CDH3: variants seen among roughly 807,000 people sequenced by gnomAD.
The protein encoded by CDH3 is cadherin 3.
CDH3 carries 54 observed loss-of-function variants against 82.0 expected under a neutral mutation model. The observed-to-expected ratio is 0.66, with a 90% CI of 0.53 to 0.83. CDH3 has a LOEUF of 0.83. Among genes scored for constraint, CDH3 ranks in the 40% least tolerant of loss-of-function variants. The probability of loss-of-function intolerance (pLI) is 0.00; values close to 1 mark genes in which losing one functional copy is unlikely to be tolerated. For synonymous variants in CDH3, 446 were observed against 437.9 expected (o/e 1.02, Z -0.23); for missense variants, 1,054 against 1,084.6 (o/e 0.97, Z 0.40).
At chr16:68,686,305 G>A (rs552802264) in intron 11 of CDH3, 36 of 775,228 alleles carry the variant, frequency 4.6e-5, no homozygotes, top group Non-Finnish European at 6.9e-5. Context: ...TTCACGTGTC[G>A]CCAGGGTCAG....
At chr16:68,687,181 G>A (rs2152103558) in intron 11 of CDH3, among the ~76,000 whole-genome samples, 1 of 152,304 alleles carries the variant, frequency 6.6e-6, no homozygotes, top group East Asian at 1.9e-4. Flanking sequence ...GGACCTGCAG[G>A]CAGGTGAGAG....
intron 2 of CDH3, among the ~76,000 whole-genome samples, chr16:68,662,083 C>A (rs995428871): frequency 3.3e-5 from 5 of 152,154 alleles, no homozygotes; most frequent in Admixed American, 6.5e-5. Flanking sequence ...GGAATCTGAT[C>A]TAGTTTGGGA....
intron 7 of CDH3, 21 bp from the exon 8 acceptor site, chr16:68,680,947 T>C (rs765775125): frequency 8.1e-6 from 13 of 1,613,638 alleles, no homozygotes; most frequent in East Asian, 4.5e-5. Context: ...ACAATGGGCT[T>C]CCCCTCTCCT....
chr16:68,683,648 T>C (rs1961294300), intron 9 of CDH3, among the ~76,000 whole-genome samples: 1 of 42,800 alleles, frequency 2.3e-5, no homozygotes, highest in African/African-American at 1.1e-4. Flanking sequence ...CAAGACTCTG[T>C]CTCAAAAAAA....
chr16:68,700,980 G>C (rs1480156836), downstream of CDH3, among the ~76,000 whole-genome samples: 2 of 152,198 alleles, frequency 1.3e-5, no homozygotes, highest in Non-Finnish European at 2.9e-5. Context: ...TGCCAGGGCT[G>C]TCTTTGCTGA....
Position 68,715,422 on chromosome 16 carries a change from C to CAAAAAAAA in CDH3, c.100-7000_100-6993dup, listed in dbSNP as rs71148937. 1.8e-4 allele frequency among the ~76,000 whole-genome samples: 26 copies of CAAAAAAAA among 141,800 alleles called. 2 individuals carry two copies. Among genetic ancestry groups the CAAAAAAAA allele is most frequent in the East Asian group, 8.3e-4 (4 of 4,842 alleles). 93.0% of individuals were successfully genotyped at this position (141,800 alleles called of 152,430 possible). A position where few individuals can be genotyped will look rare whatever the true frequency, so the allele number is the denominator to read the frequency against. ...AGCCTGGGCGACAGAGCACGACTCT[C>CAAAAAAAA]AAAAAAAAAAGAAAGGATTTGAATC... On this transcript the variant is annotated intron_variant, in intron 1 of 2. Transcript: ENST00000569080.
At chr16:68,669,973 T>C (rs1960841288) in intron 2 of CDH3, among the ~76,000 whole-genome samples, 1 of 151,656 alleles carries the variant, frequency 6.6e-6, no homozygotes, top group African/African-American at 2.4e-5. Context: ...AAAAGTGACC[T>C]TTAGTCACTC....
intron 2 of CDH3, among the ~76,000 whole-genome samples, chr16:68,669,355 G>A (rs1960823281): frequency 6.6e-6 from 1 of 152,160 alleles, no homozygotes; most frequent in Non-Finnish European, 1.5e-5. Context: ...GATGGGGCCA[G>A]CTCCTCAGAT....
chr16:68,728,189 G>A (rs989434462), downstream of CDH3, among the ~76,000 whole-genome samples: 4 of 151,376 alleles, frequency 2.6e-5, no homozygotes, highest in Admixed American at 2.0e-4. Context: ...TTTTTGAGAC[G>A]GAGTCTTGCT....
At chr16:68,662,657 G>A (rs1960620239) in intron 2 of CDH3, among the ~76,000 whole-genome samples, 1 of 147,000 alleles carries the variant, frequency 6.8e-6, no homozygotes, top group Admixed American at 7.0e-5. Context: ...CCATTCTCCT[G>A]CCTCAGCCTC....
intron 11 of CDH3, chr16:68,686,567 A>G (rs4783665): frequency 0.37 from 457,599 of 1,229,552 alleles, 89,880 homozygotes; most frequent in East Asian, 0.54. Context: ...TCAACCAGTT[A>G]GCGTGAAAGT....
At chr16:68,664,111 G>C (rs1489688748) in intron 2 of CDH3, among the ~76,000 whole-genome samples, 1 of 152,020 alleles carries the variant, frequency 6.6e-6, no homozygotes, top group Non-Finnish European at 1.5e-5. Context: ...CAGGCACTCT[G>C]GCTCCAGACT....
At chr16:68,689,600 A>G (rs1961510173) in intron 12 of CDH3, among the ~76,000 whole-genome samples, 2 of 151,914 alleles carry the variant, frequency 1.3e-5, no homozygotes, top group South Asian at 2.1e-4. Flanking sequence ...TGCCATCGTC[A>G]TCAACAACTG....
intron 10 of CDH3, 53 bp downstream of exon 10, chr16:68,684,877 G>T: frequency 6.2e-7 from 1 of 1,608,582 alleles, no homozygotes; most frequent in African/African-American, 1.3e-5. Context: ...GTTGGTGGGT[G>T]GGTGATCATG....
chr16:68,666,748 G>A (rs1455668413), intron 2 of CDH3, among the ~76,000 whole-genome samples: 2 of 152,068 alleles, frequency 1.3e-5, no homozygotes, highest in Non-Finnish European at 2.9e-5. Flanking sequence ...GCTATAAATG[G>A]CTTTATGACC....
chr16:68,646,146 C>T (rs1251701589), intron 2 of CDH3: 1 of 250,394 alleles, frequency 4.0e-6, no homozygotes, highest in African/African-American at 2.3e-5. Context: ...CCCTTCGCCC[C>T]TCTCGGGCCC....
chr16:68,654,060 AT>A (rs201141030), intron 2 of CDH3, among the ~76,000 whole-genome samples: 3,839 of 125,890 alleles, frequency 0.03, 130 homozygotes, highest in African/African-American at 0.098. Flanking sequence ...TTTGTTCTTA[AT>A]TTTTTTTTTT....
chr16:68,719,223 A>G (rs1358271599), intron 1 of CDH3, among the ~76,000 whole-genome samples: 1 of 150,514 alleles, frequency 6.6e-6, no homozygotes, highest in Non-Finnish European at 1.5e-5. Context: ...AGCCTGGGCA[A>G]AAAAGAGTGA....
At chr16:68,671,774 G>A (rs1005459088) in intron 2 of CDH3, among the ~76,000 whole-genome samples, 24 of 151,880 alleles carry the variant, frequency 1.6e-4, no homozygotes, top group Admixed American at 6.6e-5. Context: ...CGCCCATCTT[G>A]CCCTCCGAAA....
Sources: gnomAD v4.1 joint callset for allele counts (sites outside exome capture counted in the v4.1 genomes callset) on GRCh38, gnomAD v4.1.1 for gene constraint, MANE v1.5 for transcripts, NCBI Gene and HGNC (gene_info 2026-07-23, HGNC 2026-07-21) for gene names.